The following MARCHF6 variants were observed in gnomAD, a reference collection of about 807,000 sequenced individuals.
MARCHF6 encodes E3 ubiquitin-protein ligase MARCHF6.
MARCHF6 carries 31 observed loss-of-function variants against 133.7 expected under a neutral mutation model. The ratio of observed to expected loss-of-function variants is 0.23; its 90% CI spans 0.17 to 0.31. The LOEUF (loss-of-function observed/expected upper bound fraction) is 0.31, where lower values mean the gene tolerates loss of function less well. MARCHF6 is among the 10% of genes least tolerant of loss of function. MARCHF6 has a pLI of 1.00. For synonymous variants in MARCHF6, 395 were observed against 402.5 expected, an observed-to-expected ratio of 0.98 and a Z score of 0.22; for missense variants, 723 against 1,121.6, an observed-to-expected ratio of 0.64 and a Z score of 5.08.
chr5:10,357,231 T>A (rs1276982626), intron 1 of MARCHF6, among the ~76,000 whole-genome samples: 1 of 126,420 alleles, frequency 7.9e-6, no homozygotes, highest in Non-Finnish European at 1.7e-5. Context: ...TTTTTTTTTT[T>A]AAAGGAAAAG....
rs1206773449 is a variant in MARCHF6, at chr5:10,372,877, A to G, written c.20-4921A>G. 2.0e-5 allele frequency among the ~76,000 whole-genome samples: 3 copies of G among 152,102 alleles called. No homozygotes were observed. In the East Asian group the frequency reaches 5.8e-4, roughly 29 times the overall value. On this transcript the variant is annotated intron_variant, in intron 1 of 25. Transcript: ENST00000274140. ...TGTAGCCTCTAGAAAATACCACTGC[A>G]AACTGGCAAGACAATAAGTGAAAAA...
chr5:10,402,160 T>C (rs772716984), intron 12 of MARCHF6, 21 bp downstream of exon 12: 5 of 1,424,124 alleles, frequency 3.5e-6, no homozygotes, highest in Non-Finnish European at 4.9e-6. Context: ...ATGAACCAAC[T>C]TGGGTGTACA....
intron 1 of MARCHF6, among the ~76,000 whole-genome samples, chr5:10,366,900 A>C (rs1233279733): frequency 6.6e-6 from 1 of 152,142 alleles, no homozygotes; most frequent in Admixed American, 6.5e-5. Context: ...TTTGCTGTTC[A>C]CTCTTATAGC....
chr5:10,391,464 T>TTTTC lies in MARCHF6; in HGVS notation c.577-78_577-77insTTTC. The TTTTC allele has an allele frequency of 9.3e-6, 4 of 431,754 alleles. No homozygotes were observed. In the South Asian group the frequency reaches 9.7e-5, roughly 10 times the overall value. The allele number at this position is 431,754 out of a possible 1,614,324, so 26.7% of individuals were successfully genotyped here. A position where few individuals can be genotyped will look rare whatever the true frequency, so the allele number is the denominator to read the frequency against. On this transcript the variant is annotated intron_variant, in intron 6 of 25. Coordinates refer to ENST00000274140, the MANE Select transcript of MARCHF6 (RefSeq NM_005885.4). ...TTTTTTTTTTTTTTTTTTTTTTTTTTAGCAGGAATAATGTGATTTGGAAAC... is the reference window on the plus strand; with the variant it reads ...TTTTTTTTTTTTTTTTTTTTTTTTTTTTTCAGCAGGAATAATGTGATTTGGAAAC...
In MARCHF6 at chr5:10,393,053, C is replaced by G. The variant is rs531833269; in HGVS notation, c.767-1029C>G. ...TCTGAGGATGCTGTTGGGGAGAGAC[C>G]TATTAATTTACCTTTTTTTTTGAGA... On this transcript the variant is annotated intron_variant, in intron 7 of 25. Transcript: ENST00000274140. Among the ~76,000 whole-genome samples the G allele has an allele frequency of 1.5e-4, 23 of 152,124 alleles. No homozygotes were observed. The South Asian group carries it at 4.2e-3, about 27-fold the overall frequency.
rs1207370280 is a variant in MARCHF6 at position 10,415,617 on chromosome 5, T to C, written c.2096T>C (p.Met699Thr). 4 of 1,614,068 alleles carry C rather than the reference T, an allele frequency of 2.5e-6. No homozygotes were observed. The highest frequency in any genetic ancestry group is 3.4e-6 in the Non-Finnish European group (4 of 1,180,032). ...IRAVTVMVAW[M>T]PQGRRVIFQK... Reference sequence around the variant, plus strand: ...GCTGTGACGGTGATGGTGGCATGGATGCCTCAGGGACGCAGAGTGATCTTC... The same window carrying C: ...GCTGTGACGGTGATGGTGGCATGGACGCCTCAGGGACGCAGAGTGATCTTC... Residue 699 changes from methionine to threonine, a missense_variant, in exon 21 of 26, where the codon ATG becomes ACG. Transcript: ENST00000274140.
chr5:10,398,616 A>G (rs988522832), intron 10 of MARCHF6, among the ~76,000 whole-genome samples: 29 of 151,894 alleles, frequency 1.9e-4, no homozygotes, highest in Admixed American at 1.4e-3. Context: ...AAAATGATCT[A>G]TAGATTTAAG....
At chr5:10,419,755 A>G (rs1739733885) in intron 22 of MARCHF6, among the ~76,000 whole-genome samples, 1 of 152,208 alleles carries the variant, frequency 6.6e-6, no homozygotes, top group African/African-American at 2.4e-5. Flanking sequence ...AACAGATGAA[A>G]GGTTGATCAG....
chr5:10,362,005 C>T (rs1418722448), intron 1 of MARCHF6, among the ~76,000 whole-genome samples: 4 of 152,026 alleles, frequency 2.6e-5, no homozygotes, highest in African/African-American at 4.8e-5. Flanking sequence ...TCAGGTGATC[C>T]GCCCACCTCG....
At chr5:10,410,507 T>C (rs751080549) in intron 18 of MARCHF6, among the ~76,000 whole-genome samples, 6 of 152,166 alleles carry the variant, frequency 3.9e-5, no homozygotes, top group African/African-American at 7.2e-5. Context: ...AGAAGTTTGC[T>C]GCTGGTCCAG....
At chr5:10,398,528 T>G (rs1026115246) in intron 10 of MARCHF6, among the ~76,000 whole-genome samples, 1 of 152,180 alleles carries the variant, frequency 6.6e-6, no homozygotes, top group African/African-American at 2.4e-5. Flanking sequence ...CTGCATTTAT[T>G]TTTCATTATG....
intron 1 of MARCHF6, among the ~76,000 whole-genome samples, chr5:10,361,622 A>G (rs1579517014): frequency 6.6e-6 from 1 of 152,310 alleles, no homozygotes; most frequent in East Asian, 1.9e-4. Context: ...TACATTGTGT[A>G]TACATGCAGG....
intron 18 of MARCHF6, among the ~76,000 whole-genome samples, chr5:10,410,795 T>C (rs1739186044): frequency 6.6e-6 from 1 of 152,242 alleles, no homozygotes; most frequent in Non-Finnish European, 1.5e-5. Flanking sequence ...TATATTTGCT[T>C]GAACATCTGT....
rs547523947 is a variant in MARCHF6, at chr5:10,423,197, G to A, written c.2284-538G>A. 3.6e-5 allele frequency among the ~76,000 whole-genome samples: 5 copies of A among 140,060 alleles called. No homozygotes were observed. The East Asian group carries it at 1.8e-3, about 50-fold the overall frequency. The allele number at this position is 140,060 out of a possible 152,430, so 91.9% of individuals were successfully genotyped here. ...GGGGGCTGTGGGGAGGGAGGAAGTA[G>A]TCATCACTCTGTCTGGTGGAGAGCT... is the stretch of plus-strand genomic sequence containing the variant. On this transcript the variant is annotated intron_variant, in intron 22 of 25. Coordinates refer to ENST00000274140, the MANE Select transcript of MARCHF6 (RefSeq NM_005885.4).
At chr5:10,354,084 T>A (rs1735281685) in intron 1 of MARCHF6, 167 bp downstream of exon 1, 1 of 533,368 alleles carries the variant, frequency 1.9e-6, no homozygotes, top group Non-Finnish European at 2.9e-6. Context: ...GGTGACCCTC[T>A]GCGCGCCCCC....
chr5:10,412,465 T>G (rs1739283474), intron 19 of MARCHF6, among the ~76,000 whole-genome samples: 1 of 152,176 alleles, frequency 6.6e-6, no homozygotes, highest in African/African-American at 2.4e-5. Flanking sequence ...TCTTAAACAT[T>G]GAGAGACCTG....
intron 1 of MARCHF6, among the ~76,000 whole-genome samples, chr5:10,367,674 C>T (rs1319445975): frequency 6.6e-6 from 1 of 152,160 alleles, no homozygotes; most frequent in Non-Finnish European, 1.5e-5. Context: ...AATGGGCTGA[C>T]TTCCACAGTG....
intron 7 of MARCHF6, among the ~76,000 whole-genome samples, chr5:10,393,459 C>A (rs1052927848): frequency 6.6e-6 from 1 of 152,154 alleles, no homozygotes; most frequent in Non-Finnish European, 1.5e-5. Context: ...GAAAAAGCGA[C>A]TTGTGTAATG....
intron 1 of MARCHF6, among the ~76,000 whole-genome samples, chr5:10,375,968 G>A (rs906189764): frequency 6.6e-6 from 1 of 152,130 alleles, no homozygotes; most frequent in African/African-American, 2.4e-5. Context: ...ATGGGGACGT[G>A]GAGAACCTTT....
Sources: allele counts gnomAD v4.1 joint callset (sites outside exome capture counted in the v4.1 genomes callset), GRCh38; gene constraint gnomAD v4.1.1; transcripts MANE v1.5; gene names NCBI Gene and HGNC (gene_info 2026-07-23, HGNC 2026-07-21).